VPS41: variants seen among roughly 807,000 people sequenced by gnomAD.
VPS41 encodes the protein VPS41 subunit of HOPS complex.
In VPS41, 85 loss-of-function variants were observed where a neutral mutation model predicts 130.9. The ratio of observed to expected loss-of-function variants is 0.65; its 90% CI spans 0.55 to 0.78. The LOEUF is 0.78. VPS41 is among the 30% of genes least tolerant of loss of function. The pLI, the probability that VPS41 is intolerant of heterozygous loss-of-function variation, is 0.00. For synonymous variants in VPS41, 335 were observed against 332.9 expected (o/e 1.01, Z -0.07); for missense variants, 874 against 1,018.7 (o/e 0.86, Z 1.93).
chr7:38,759,365 T>C (rs1201423108), intron 17 of VPS41, among the ~76,000 whole-genome samples: 2 of 152,194 alleles, frequency 1.3e-5, no homozygotes, highest in African/African-American at 4.8e-5. Flanking sequence ...TGTGAGAGTA[T>C]AGCATGAGAA....
intron 2 of VPS41, among the ~76,000 whole-genome samples, chr7:38,870,057 A>G (rs1242848767): frequency 6.6e-6 from 1 of 152,158 alleles, no homozygotes; most frequent in Admixed American, 6.5e-5. Context: ...GGAGGCATTT[A>G]CTAATTCTGG....
intron 10 of VPS41, among the ~76,000 whole-genome samples, chr7:38,784,454 A>G (rs7802510): frequency 0.99 from 151,196 of 152,272 alleles, 75,069 homozygotes; most frequent in African/African-American, 1. Flanking sequence ...GGGCAACAAA[A>G]GGAGACCACA....
At chr7:38,818,825 C>T (rs557090501) in intron 6 of VPS41, among the ~76,000 whole-genome samples, 2 of 152,220 alleles carry the variant, frequency 1.3e-5, no homozygotes, top group African/African-American at 2.4e-5. Flanking sequence ...TATATACCTT[C>T]AATTAAACAT....
intron 2 of VPS41, among the ~76,000 whole-genome samples, chr7:38,896,233 A>G (rs1362814620): frequency 6.6e-6 from 1 of 152,242 alleles, no homozygotes; most frequent in Middle Eastern, 3.2e-3. Flanking sequence ...TTCTGTACCA[A>G]TGATTCTAAG....
chr7:38,859,820 A>AT (rs1786064962), intron 4 of VPS41, among the ~76,000 whole-genome samples: 1 of 152,222 alleles, frequency 6.6e-6, no homozygotes, highest in Non-Finnish European at 1.5e-5. Context: ...GGAATCTAAG[A>AT]TTTTATAAGA....
Position 38,761,348 on chromosome 7 carries a change from T to C in VPS41, c.1422+2107A>G, listed in dbSNP as rs1783914334. ...TGGAGTTCAGTGGCGCTATCTTGGC[T>C]CACTGCAACCTCCGCCTCCTAGGCT... On this transcript the variant is annotated intron_variant, in intron 17 of 28. Transcript: ENST00000310301. Among the ~76,000 whole-genome samples the C allele has an allele frequency of 2.1e-5, 3 of 140,984 alleles. No individual in the cohort carries two copies. In the Admixed American group the frequency reaches 2.3e-4, roughly 11 times the overall value. 92.5% of individuals were successfully genotyped at this position (140,984 alleles called of 152,430 possible).
In VPS41 at chr7:38,842,625, T is replaced by TGGAA. The variant is rs1785632188; in HGVS notation, c.247-12298_247-12297insTTCC. ...TCATTTCCAGCCAGACCCAAAAGAT[T>TGGAA]CACAAGATTCTAAACATCCTGGTTT... On this transcript the variant is annotated intron_variant, in intron 4 of 28. Transcript: ENST00000310301. Among the ~76,000 whole-genome samples, 4 of 152,354 alleles carry TGGAA rather than the reference T, an allele frequency of 2.6e-5. No homozygotes were observed. The South Asian group carries it at 8.3e-4, about 32-fold the overall frequency.
chr7:38,803,582 A>C (rs1209776932), intron 7 of VPS41, among the ~76,000 whole-genome samples: 1 of 152,228 alleles, frequency 6.6e-6, no homozygotes, highest in African/African-American at 2.4e-5. Context: ...CCAGCAAATA[A>C]AACTGTCTCA....
intron 7 of VPS41, among the ~76,000 whole-genome samples, chr7:38,802,665 C>G (rs903976947): frequency 6.2e-4 from 94 of 152,282 alleles, no homozygotes; most frequent in African/African-American, 2.2e-3. Flanking sequence ...CCTTTTCTTA[C>G]AAACATTCTA....
At chr7:38,783,851 A>T (rs1784394505) in intron 10 of VPS41, among the ~76,000 whole-genome samples, 1 of 150,730 alleles carries the variant, frequency 6.6e-6, no homozygotes, top group African/African-American at 2.4e-5. Flanking sequence ...AGGTTATCTC[A>T]CTTCTTATCT....
intron 4 of VPS41, among the ~76,000 whole-genome samples, chr7:38,838,081 A>C (rs1360693704): frequency 6.6e-6 from 1 of 152,216 alleles, no homozygotes; most frequent in Admixed American, 6.5e-5. Flanking sequence ...AATAAAGAAC[A>C]AATAAACAAG....
At chr7:38,855,777 T>C (rs1223092182) in intron 4 of VPS41, among the ~76,000 whole-genome samples, 1 of 152,214 alleles carries the variant, frequency 6.6e-6, no homozygotes, top group African/African-American at 2.4e-5. Flanking sequence ...GATGACTTTA[T>C]ACATTACCCA....
chr7:38,764,337 T>G (rs1166394282), intron 16 of VPS41, among the ~76,000 whole-genome samples: 1 of 152,108 alleles, frequency 6.6e-6, no homozygotes, highest in Non-Finnish European at 1.5e-5. Flanking sequence ...TGCATCTGTG[T>G]GCAGGGAGGT....
At chr7:38,895,881 C>T (rs1786976995) in intron 2 of VPS41, among the ~76,000 whole-genome samples, 1 of 152,126 alleles carries the variant, frequency 6.6e-6, no homozygotes, top group Non-Finnish European at 1.5e-5. Context: ...AGAATGGGGC[C>T]CCCTTCTCAC....
At chr7:38,754,804 C>T in intron 20 of VPS41, 52 bp from the exon 21 acceptor site, 1 of 1,590,660 alleles carries the variant, frequency 6.3e-7, no homozygotes, top group East Asian at 2.2e-5. Flanking sequence ...AGAAAGACAG[C>T]TACAAAATTA....
intron 7 of VPS41, among the ~76,000 whole-genome samples, chr7:38,817,414 G>A (rs530119451): frequency 6.6e-6 from 1 of 152,208 alleles, no homozygotes; most frequent in Admixed American, 6.5e-5. Flanking sequence ...GACCAGCCAG[G>A]CCATGTCTTT....
At chr7:38,817,510 C>T (rs988351796) in intron 7 of VPS41, among the ~76,000 whole-genome samples, 14 of 152,240 alleles carry the variant, frequency 9.2e-5, no homozygotes, top group Non-Finnish European at 1.9e-4. Flanking sequence ...CCCAGCTACT[C>T]GTGAGGCTGA....
intron 10 of VPS41, among the ~76,000 whole-genome samples, chr7:38,789,169 T>C (rs1584396812): frequency 6.6e-6 from 1 of 152,282 alleles, no homozygotes; most frequent in African/African-American, 2.4e-5. Flanking sequence ...GCAAGTATTG[T>C]GCCAGGTCCT....
intron 10 of VPS41, among the ~76,000 whole-genome samples, chr7:38,777,601 T>C (rs1166346729): frequency 6.6e-6 from 1 of 152,204 alleles, no homozygotes; most frequent in Non-Finnish European, 1.5e-5. Context: ...GTAGTGGTAT[T>C]ACAGAGATCC....
Sources: gnomAD v4.1 joint callset for allele counts (sites outside exome capture counted in the v4.1 genomes callset) on GRCh38, gnomAD v4.1.1 for gene constraint, MANE v1.5 for transcripts, NCBI Gene and HGNC (gene_info 2026-07-23, HGNC 2026-07-21) for gene names.